The following CABLES1 variants were observed in gnomAD, a reference collection of about 807,000 sequenced individuals.
CABLES1 encodes the protein CDK5 and ABL1 enzyme substrate 1.
Under a neutral mutation model 57.8 loss-of-function variants are expected in CABLES1, and 36 were observed. The observed-to-expected ratio is 0.62, with a 90% CI of 0.48 to 0.82. CABLES1 has a LOEUF of 0.82. Among genes scored for constraint, CABLES1 ranks in the 40% least tolerant of loss-of-function variants. The pLI, the probability that CABLES1 is intolerant of heterozygous loss-of-function variation, is 0.00. For missense variants in CABLES1, 767 were observed against 836.6 expected (o/e 0.92, Z 1.03); for synonymous variants, 374 against 363.0 (o/e 1.03, Z -0.35).
At chr18:23,248,431 G>A (rs1000347038) in intron 7 of CABLES1, among the ~76,000 whole-genome samples, 14 of 150,916 alleles carry the variant, frequency 9.3e-5, no homozygotes, top group African/African-American at 2.0e-4. Context: ...CTGCAGCCCC[G>A]ACCACTCAGG....
At chr18:23,206,785 C>A (rs1339100484) in intron 3 of CABLES1, among the ~76,000 whole-genome samples, 2 of 147,700 alleles carry the variant, frequency 1.4e-5, no homozygotes, top group African/African-American at 2.5e-5. Flanking sequence ...AACAGCATTT[C>A]TGTTCATTTT....
At chr18:23,218,941 A>G (rs2047465079) in intron 4 of CABLES1, among the ~76,000 whole-genome samples, 1 of 152,206 alleles carries the variant, frequency 6.6e-6, no homozygotes, top group Non-Finnish European at 1.5e-5. Flanking sequence ...GAGGCACTGG[A>G]GAACACTGGA....
At chr18:23,252,127 A>G (rs1198411602) in intron 7 of CABLES1, among the ~76,000 whole-genome samples, 1 of 152,046 alleles carries the variant, frequency 6.6e-6, no homozygotes, top group Non-Finnish European at 1.5e-5. Context: ...AAATAAGCCT[A>G]TGACAAAAGG....
At chr18:23,208,756 T>A (rs891059047) in intron 3 of CABLES1, among the ~76,000 whole-genome samples, 3 of 152,172 alleles carry the variant, frequency 2.0e-5, no homozygotes, top group African/African-American at 4.8e-5. Flanking sequence ...GTTCTCTCCC[T>A]GTTGTGGAGA....
intron 3 of CABLES1, among the ~76,000 whole-genome samples, chr18:23,206,539 G>A (rs2047364821): frequency 6.6e-6 from 1 of 152,360 alleles, no homozygotes; most frequent in East Asian, 1.9e-4. Context: ...ACAGATCAGA[G>A]TCTGTCTGTG....
intron 9 of CABLES1, 46 bp downstream of exon 9, chr18:23,253,982 C>T: frequency 6.5e-7 from 1 of 1,529,648 alleles, no homozygotes; most frequent in Non-Finnish European, 9.1e-7. Context: ...ATGCTCCGGT[C>T]CGGGGTTCCT....
At chr18:23,143,207 C>G (rs1022921354) in intron 1 of CABLES1, among the ~76,000 whole-genome samples, 1 of 152,130 alleles carries the variant, frequency 6.6e-6, no homozygotes, top group Non-Finnish European at 1.5e-5. Flanking sequence ...GCATTTGGGC[C>G]CAGAGGACAG....
chr18:23,161,762 A>C (rs2047006652), intron 1 of CABLES1, among the ~76,000 whole-genome samples: 1 of 149,160 alleles, frequency 6.7e-6, no homozygotes, highest in African/African-American at 2.5e-5. Context: ...TCCAAAAAAA[A>C]AAAAAAAAAA....
intron 1 of CABLES1, among the ~76,000 whole-genome samples, chr18:23,141,675 A>G (rs2046858746): frequency 6.6e-6 from 1 of 152,224 alleles, no homozygotes; most frequent in Admixed American, 6.5e-5. Context: ...TTGCAGTCAC[A>G]AAGCCTGCAA....
intron 3 of CABLES1, among the ~76,000 whole-genome samples, chr18:23,203,232 C>T (rs1290300409): frequency 6.6e-6 from 1 of 152,122 alleles, no homozygotes; most frequent in Non-Finnish European, 1.5e-5. Flanking sequence ...GTTGGCATGG[C>T]ATGCAGGAGA....
chr18:23,212,774 G>C (rs546929545), intron 3 of CABLES1, among the ~76,000 whole-genome samples: 28 of 152,230 alleles, frequency 1.8e-4, no homozygotes, highest in African/African-American at 5.1e-4. Flanking sequence ...ACCAAAAAGG[G>C]AACAAAAAAC....
At position 23,253,750 on chromosome 18, in the gene CABLES1, G is replaced by A. The variant is rs1293408861; in HGVS notation, c.1575G>A (p.Lys525=). The A allele has an allele frequency of 1.2e-6, 2 of 1,614,216 alleles. No individual in the cohort carries two copies. Among genetic ancestry groups the A allele is most frequent in the Admixed American group, 3.3e-5 (2 of 60,036 alleles). Residue 525 remains lysine (K), a synonymous_variant, in exon 9 of 10, where the codon AAG becomes AAA. Transcript: ENST00000256925. ...KIRSLKREMR[K]LAQEDCGLEE... ...CCAGTCTGAAACGAGAGATGCGGAA[G>A]CTTGCGCAGGAGGACTGTGGCCTTG...
intron 4 of CABLES1, among the ~76,000 whole-genome samples, chr18:23,216,192 G>T (rs1347951500): frequency 6.6e-6 from 1 of 152,198 alleles, no homozygotes; most frequent in Non-Finnish European, 1.5e-5. Context: ...TATTCCCCAA[G>T]GTCTGGGGTA....
intron 1 of CABLES1, among the ~76,000 whole-genome samples, chr18:23,148,261 T>A (rs982340868): frequency 6.6e-6 from 1 of 152,100 alleles, no homozygotes; most frequent in Non-Finnish European, 1.5e-5. Context: ...AGTGCTGGGA[T>A]TACAGGTGTG....
At chr18:23,152,105 A>T (rs1289550207) in intron 1 of CABLES1, among the ~76,000 whole-genome samples, 1 of 152,120 alleles carries the variant, frequency 6.6e-6, no homozygotes, top group African/African-American at 2.4e-5. Flanking sequence ...TTATGAGTTT[A>T]AAAATGCTAC....
intron 3 of CABLES1, among the ~76,000 whole-genome samples, chr18:23,204,164 G>C (rs2047345972): frequency 6.6e-6 from 1 of 152,316 alleles, no homozygotes; most frequent in Non-Finnish European, 1.5e-5. Flanking sequence ...GGCGGAAGCG[G>C]GGAGAGAAGC....
At chr18:23,184,501 G>A (rs1052319046) in intron 1 of CABLES1, among the ~76,000 whole-genome samples, 1 of 152,124 alleles carries the variant, frequency 6.6e-6, no homozygotes, top group African/African-American at 2.4e-5. Context: ...CCAGTAGTTC[G>A]AGACCTGCCT....
At chr18:23,244,187 T>C (rs1007264503) in intron 7 of CABLES1, among the ~76,000 whole-genome samples, 4 of 152,174 alleles carry the variant, frequency 2.6e-5, no homozygotes, top group African/African-American at 9.7e-5. Context: ...AGTCACCTGG[T>C]GTCATCTCAA....
intron 1 of CABLES1, among the ~76,000 whole-genome samples, chr18:23,172,812 G>T (rs571778081): frequency 6.6e-6 from 1 of 152,292 alleles, no homozygotes; most frequent in Admixed American, 6.5e-5. Flanking sequence ...TAAGAATACG[G>T]TGAGGCAGAT....
Sources: allele counts gnomAD v4.1 joint callset (sites outside exome capture counted in the v4.1 genomes callset), GRCh38; gene constraint gnomAD v4.1.1; transcripts MANE v1.5; gene names NCBI Gene and HGNC (gene_info 2026-07-23, HGNC 2026-07-21).